The following PCDH15 variants were observed in gnomAD, a reference collection of about 807,000 sequenced individuals.
PCDH15 encodes protocadherin related 15.
In PCDH15, 129 loss-of-function variants were observed where a neutral mutation model predicts 178.5. The observed-to-expected ratio is 0.72, with a 90% CI of 0.63 to 0.84. The LOEUF (loss-of-function observed/expected upper bound fraction) is 0.84. Among genes scored for constraint, PCDH15 ranks in the 40% least tolerant of loss-of-function variants. PCDH15 has a pLI of 0.00. For missense variants in PCDH15, 2,230 were observed against 2,099.9 expected, an observed-to-expected ratio of 1.06 and a Z score of -1.21; for synonymous variants, 800 against 732.0, an observed-to-expected ratio of 1.09 and a Z score of -1.50.
intron 20 of PCDH15, among the ~76,000 whole-genome samples, chr10:54,014,462 C>G (rs1400438954): frequency 6.6e-6 from 1 of 151,884 alleles, no homozygotes; most frequent in Admixed American, 6.6e-5. Context: ...ACAACAACAA[C>G]AAAAAAGAAA....
chr10:55,520,011 T>C (rs1232529183), intron 2 of PCDH15, among the ~76,000 whole-genome samples: 1 of 147,698 alleles, frequency 6.8e-6, no homozygotes, highest in Non-Finnish European at 1.5e-5. Context: ...AAGAATGACA[T>C]GTTTATAAGG....
intron 18 of PCDH15, among the ~76,000 whole-genome samples, chr10:54,043,679 C>G (rs1175435323): frequency 6.6e-6 from 1 of 151,938 alleles, no homozygotes; most frequent in African/African-American, 2.4e-5. Flanking sequence ...GAGCCACTAC[C>G]CCTGGTCTCA....
chr10:55,467,860 C>T (rs1252838166), intron 2 of PCDH15, among the ~76,000 whole-genome samples: 1 of 144,334 alleles, frequency 6.9e-6, no homozygotes. Context: ...CAGCTACTCC[C>T]GGAGGCTGAG....
In PCDH15 at chr10:54,014,025, GA is replaced by G. The variant is rs200013790; in HGVS notation, c.2751+6166del. Among the ~76,000 whole-genome samples, 900 of 148,978 alleles carry G rather than the reference GA, an allele frequency of 6.0e-3. 4 individuals are homozygous for G. Among genetic ancestry groups the G allele is most frequent in the African/African-American group, 0.02 (827 of 40,746 alleles). ...GATGGATGAATAGCTAGACAAATAA[GA>G]AAAAAAAAGAGAAGATCCAACTAAA... is the stretch of plus-strand genomic sequence containing the variant. On this transcript the variant is annotated intron_variant, in intron 20 of 37. Transcript: ENST00000644397.
chr10:54,033,508 T>C (rs1433833280), intron 18 of PCDH15, among the ~76,000 whole-genome samples: 2 of 151,968 alleles, frequency 1.3e-5, no homozygotes, highest in African/African-American at 4.8e-5. Context: ...CACATAAGCA[T>C]TGTTCTTTCA....
intron 3 of PCDH15, among the ~76,000 whole-genome samples, chr10:54,844,695 A>C (rs921029803): frequency 6.6e-6 from 1 of 152,130 alleles, no homozygotes; most frequent in South Asian, 2.1e-4. Flanking sequence ...AACACTGTTA[A>C]CACTAAGAAG....
At chr10:53,879,114 A>G (rs200244071) in intron 26 of PCDH15, among the ~76,000 whole-genome samples, 1 of 150,866 alleles carries the variant, frequency 6.6e-6, no homozygotes, top group Admixed American at 6.6e-5. Flanking sequence ...TTTTTTTTAA[A>G]TCACTTTTTG....
intron 25 of PCDH15, among the ~76,000 whole-genome samples, chr10:53,918,269 T>G (rs892618364): frequency 1.3e-5 from 2 of 152,176 alleles, no homozygotes; most frequent in Non-Finnish European, 2.9e-5. Flanking sequence ...ATAGGTATTT[T>G]CATTCTGCTT....
At chr10:55,113,089 C>T (rs911560412) in intron 2 of PCDH15, among the ~76,000 whole-genome samples, 8 of 152,166 alleles carry the variant, frequency 5.3e-5, no homozygotes, top group African/African-American at 1.2e-4. Flanking sequence ...TGCTGGCACC[C>T]TTATCTCAAA....
intron 3 of PCDH15, among the ~76,000 whole-genome samples, chr10:54,831,081 G>T (rs889630741): frequency 6.6e-6 from 1 of 152,066 alleles, no homozygotes; most frequent in African/African-American, 2.4e-5. Context: ...CTATGCATTT[G>T]TACCTAGTGC....
chr10:54,142,545 C>T (rs748139388), intron 14 of PCDH15, among the ~76,000 whole-genome samples: 7 of 152,070 alleles, frequency 4.6e-5, no homozygotes, highest in African/African-American at 7.2e-5. Context: ...GTAAATTAAA[C>T]GTTAATGTCA....
chr10:55,165,594 T>C (rs915694647), intron 2 of PCDH15, among the ~76,000 whole-genome samples: 2 of 152,130 alleles, frequency 1.3e-5, no homozygotes, highest in East Asian at 1.9e-4. Flanking sequence ...TAGCAAATAG[T>C]AGTAAATGCC....
chr10:54,227,446 G>T (rs929238566), intron 9 of PCDH15, among the ~76,000 whole-genome samples: 9 of 152,172 alleles, frequency 5.9e-5, no homozygotes, highest in African/African-American at 1.9e-4. Context: ...CAAGTCCCAA[G>T]GCTGCACAAG....
At chr10:54,578,025 G>A (rs2133737081) in intron 2 of PCDH15, among the ~76,000 whole-genome samples, 1 of 152,206 alleles carries the variant, frequency 6.6e-6, no homozygotes, top group South Asian at 2.1e-4. Context: ...TTCATACATT[G>A]CCTTGGATGA....
rs186444241 is a variant in PCDH15 at position 54,262,374 on chromosome 10, C to T, written c.877-25443G>A. On this transcript the variant is annotated intron_variant, in intron 8 of 37. Transcript: ENST00000644397. Reference sequence around the variant, plus strand: ...GATTAAGGTACATCTGGTCCACATGCCCCCTTGCCTGTCAACGCCTTCCCA... The same window carrying T: ...GATTAAGGTACATCTGGTCCACATGTCCCCTTGCCTGTCAACGCCTTCCCA... Among the ~76,000 whole-genome samples the T allele has an allele frequency of 1.3e-4, 20 of 152,274 alleles. 1 individual carries two copies. Among genetic ancestry groups the T allele is most frequent in the East Asian group, 1.2e-3 (6 of 5,170 alleles).
At chr10:54,570,167 TG>T (rs2089614960) in intron 2 of PCDH15, among the ~76,000 whole-genome samples, 1 of 152,028 alleles carries the variant, frequency 6.6e-6, no homozygotes, top group African/African-American at 2.4e-5. Context: ...CAAGTGGTCA[TG>T]GGTAGTGCCA....
intron 2 of PCDH15, among the ~76,000 whole-genome samples, chr10:55,412,008 T>C (rs1189349376): frequency 6.6e-6 from 1 of 152,064 alleles, no homozygotes; most frequent in Non-Finnish European, 1.5e-5. Flanking sequence ...AGAAAACATT[T>C]TACAATCTGC....
chr10:55,338,527 G>A (rs1294665837), intron 2 of PCDH15, among the ~76,000 whole-genome samples: 2 of 152,160 alleles, frequency 1.3e-5, no homozygotes, highest in African/African-American at 2.4e-5. Flanking sequence ...CAGCACTCGG[G>A]GAGACCAAGA....
At chr10:54,832,521 T>C (rs1158073093) in intron 3 of PCDH15, among the ~76,000 whole-genome samples, 5 of 152,224 alleles carry the variant, frequency 3.3e-5, no homozygotes, top group African/African-American at 1.2e-4. Context: ...CATTCACTCA[T>C]TTCCATGCCC....
Sources: gnomAD v4.1 joint callset for allele counts (sites outside exome capture counted in the v4.1 genomes callset) on GRCh38, gnomAD v4.1.1 for gene constraint, MANE v1.5 for transcripts, NCBI Gene and HGNC (gene_info 2026-07-23, HGNC 2026-07-21) for gene names.